The following AHCYL2 variants were observed in gnomAD, a reference collection of about 807,000 sequenced individuals.
The protein encoded by AHCYL2 is S-adenosylhomocysteine hydrolase-like protein 2.
AHCYL2 carries 28 observed loss-of-function variants against 81.4 expected under a neutral mutation model. The ratio of observed to expected loss-of-function variants is 0.34; its 90% CI spans 0.25 to 0.47. The LOEUF (loss-of-function observed/expected upper bound fraction) is 0.47, where lower values mean the gene tolerates loss of function less well. Among genes scored for constraint, AHCYL2 ranks in the 20% least tolerant of loss-of-function variants. The pLI is 1.00. For missense variants in AHCYL2, 551 were observed against 785.1 expected, an observed-to-expected ratio of 0.70 and a Z score of 3.56; for synonymous variants, 272 against 290.2, an observed-to-expected ratio of 0.94 and a Z score of 0.64.
chr7:129,357,329 G>T, intron 1 of AHCYL2, among the ~76,000 whole-genome samples: 1 of 152,290 alleles, frequency 6.6e-6, no homozygotes, highest in East Asian at 1.9e-4. Context: ...TAATTGCTGT[G>T]ATTTTACAAG....
chr7:129,345,112 GC>G (rs1441377082), intron 1 of AHCYL2, among the ~76,000 whole-genome samples: 3 of 152,106 alleles, frequency 2.0e-5, no homozygotes, highest in African/African-American at 7.2e-5. Context: ...CCGAGATCAT[GC>G]CACTGCACTC....
At chr7:129,261,771 A>G in intron 1 of AHCYL2, among the ~76,000 whole-genome samples, 1 of 152,096 alleles carries the variant, frequency 6.6e-6, no homozygotes, top group South Asian at 2.1e-4. Context: ...TCCATTTTTC[A>G]TGAGAGATCA....
chr7:129,226,632 T>C (rs1794231680), intron 1 of AHCYL2, among the ~76,000 whole-genome samples: 1 of 152,222 alleles, frequency 6.6e-6, no homozygotes, highest in African/African-American at 2.4e-5. Context: ...CATAGCGTCA[T>C]GATTAAGGTA....
intron 1 of AHCYL2, among the ~76,000 whole-genome samples, chr7:129,363,279 TG>T (rs1285815856): frequency 6.6e-6 from 1 of 152,198 alleles, no homozygotes; most frequent in Non-Finnish European, 1.5e-5. Flanking sequence ...AGGCACATTA[TG>T]GTAAAGTGGA....
intron 1 of AHCYL2, among the ~76,000 whole-genome samples, chr7:129,262,363 T>A (rs985134818): frequency 1.3e-5 from 2 of 152,194 alleles, no homozygotes; most frequent in Non-Finnish European, 2.9e-5. Flanking sequence ...ACATGCACAG[T>A]TGAGCTTCTT....
intron 1 of AHCYL2, among the ~76,000 whole-genome samples, chr7:129,370,442 A>G (rs1794331167): frequency 1.3e-5 from 2 of 152,166 alleles, no homozygotes; most frequent in Non-Finnish European, 2.9e-5. Flanking sequence ...CACGCCTGTA[A>G]TCCCAGCACT....
intron 1 of AHCYL2, among the ~76,000 whole-genome samples, chr7:129,255,799 A>C (rs1214312063): frequency 1.3e-5 from 2 of 152,100 alleles, no homozygotes; most frequent in Non-Finnish European, 2.9e-5. Flanking sequence ...CCCTGTCTCT[A>C]CTAAAAAAAA....
At chr7:129,276,746 A>AAG (rs1041531055) in intron 1 of AHCYL2, among the ~76,000 whole-genome samples, 3 of 151,242 alleles carry the variant, frequency 2.0e-5, no homozygotes, top group Non-Finnish European at 2.9e-5. Flanking sequence ...CAAAAAAAAA[A>AAG]AAAAAGAAAA....
Position 129,225,087 on chromosome 7 carries a change from A to G in AHCYL2, c.11A>G (p.Gln4Arg), listed in dbSNP as rs766477052. Residue 4 changes from glutamine to arginine, a missense_variant, in exon 1 of 17, where the codon CAG becomes CGG. Coordinates refer to ENST00000325006, the MANE Select transcript of AHCYL2 (RefSeq NM_015328.4). ...GCAGCGGAGGCGGTGATGTCGGTGC[A>G]GGTTGTGTCAGCCGCGGCTGCCGCC... MSV[Q>R]VVSAAAAAKV... The G allele has an allele frequency of 2.5e-6, 4 of 1,594,844 alleles. No homozygotes were observed. Among genetic ancestry groups the G allele is most frequent in the Non-Finnish European group, 3.4e-6 (4 of 1,172,098 alleles).
intron 1 of AHCYL2, among the ~76,000 whole-genome samples, chr7:129,279,827 C>T (rs542994749): frequency 2.6e-5 from 4 of 152,294 alleles, no homozygotes; most frequent in Non-Finnish European, 5.9e-5. Flanking sequence ...ACTGTCACGG[C>T]ACTGGTGGGA....
At chr7:129,275,228 C>G (rs970030720) in intron 1 of AHCYL2, among the ~76,000 whole-genome samples, 1 of 151,758 alleles carries the variant, frequency 6.6e-6, no homozygotes, top group African/African-American at 2.4e-5. Context: ...ACTAAAAATA[C>G]AAAAATTAGC....
At chr7:129,360,689 A>G (rs1412372574) in intron 1 of AHCYL2, among the ~76,000 whole-genome samples, 1 of 152,152 alleles carries the variant, frequency 6.6e-6, no homozygotes, top group Non-Finnish European at 1.5e-5. Flanking sequence ...CAGCTAATCT[A>G]TAAATTTTGA....
intron 1 of AHCYL2, chr7:129,367,982 C>A: frequency 2.1e-6 from 1 of 482,506 alleles, no homozygotes; most frequent in Non-Finnish European, 2.7e-6. Flanking sequence ...AAGGAAACGC[C>A]TGTTTACTGA....
At chr7:129,296,891 A>G (rs1797066425) in intron 1 of AHCYL2, among the ~76,000 whole-genome samples, 1 of 152,240 alleles carries the variant, frequency 6.6e-6, no homozygotes, top group Non-Finnish European at 1.5e-5. Flanking sequence ...GTTTAAAACA[A>G]TACTCAAATG....
chr7:129,268,330 T>G (rs913844928), intron 1 of AHCYL2, among the ~76,000 whole-genome samples: 1 of 152,158 alleles, frequency 6.6e-6, no homozygotes, highest in African/African-American at 2.4e-5. Flanking sequence ...GGGAGTTTGC[T>G]TGTGCTTTCT....
At chr7:129,281,707 G>A (rs12533108) in intron 1 of AHCYL2, among the ~76,000 whole-genome samples, 142,706 of 152,040 alleles carry the variant, frequency 0.94, 67,614 homozygotes, top group East Asian at 1. Context: ...CATGTTGCCC[G>A]GGCTGGTCTT....
intron 1 of AHCYL2, among the ~76,000 whole-genome samples, chr7:129,233,503 T>C (rs1401771836): frequency 6.6e-6 from 1 of 151,882 alleles, no homozygotes; most frequent in African/African-American, 2.4e-5. Context: ...TTTTCTCTTT[T>C]TTTGAGATGG....
At chr7:129,286,482 CAGGGTTTCACTCTCA>C (rs1796634250) in intron 1 of AHCYL2, among the ~76,000 whole-genome samples, 1 of 149,296 alleles carries the variant, frequency 6.7e-6, no homozygotes, top group Non-Finnish European at 1.5e-5. Flanking sequence ...TGTTTTGAGA[CAGGGTTTCACTCTCA>C]TCACCCAGGC....
At chr7:129,324,879 T>A (rs929239748) in intron 1 of AHCYL2, among the ~76,000 whole-genome samples, 1 of 152,206 alleles carries the variant, frequency 6.6e-6, no homozygotes, top group African/African-American at 2.4e-5. Flanking sequence ...GTGTAAATGG[T>A]GTACATCTTT....
Sources: allele counts gnomAD v4.1 joint callset (sites outside exome capture counted in the v4.1 genomes callset), GRCh38; gene constraint gnomAD v4.1.1; transcripts MANE v1.5; gene names NCBI Gene and HGNC (gene_info 2026-07-23, HGNC 2026-07-21).